Variants in MBD5 observed in about 807,000 individuals in gnomAD.
The protein encoded by MBD5 is methyl-CpG-binding domain protein 5.
MBD5 carries 13 observed loss-of-function variants against 117.3 expected under a neutral mutation model. That is an observed-to-expected ratio of 0.11 (90% confidence interval 0.07 to 0.18). The LOEUF is 0.18. Among genes scored for constraint, MBD5 ranks in the 10% least tolerant of loss-of-function variants. The pLI is 1.00. For missense variants in MBD5, 1,879 were observed against 2,093.8 expected (o/e 0.90, Z 2.00); for synonymous variants, 727 against 766.4 (o/e 0.95, Z 0.85).
intron 4 of MBD5, among the ~76,000 whole-genome samples, chr2:148,352,558 A>C (rs1324974736): frequency 1.3e-5 from 2 of 152,034 alleles, no homozygotes; most frequent in African/African-American, 4.8e-5. Context: ...CTCACAACTC[A>C]TTAATCTATT....
intron 1 of MBD5, among the ~76,000 whole-genome samples, chr2:148,049,829 G>C: frequency 6.6e-6 from 1 of 152,076 alleles, no homozygotes. Context: ...GTGGCCTTTT[G>C]TGTCTGGCTT....
At chr2:148,453,728 A>G (rs949828852) in intron 4 of MBD5, among the ~76,000 whole-genome samples, 3 of 151,796 alleles carry the variant, frequency 2.0e-5, no homozygotes, top group African/African-American at 7.2e-5. Context: ...TAATATTATA[A>G]TTATAAAATT....
intron 3 of MBD5, among the ~76,000 whole-genome samples, chr2:148,309,005 TG>T: frequency 6.6e-6 from 1 of 152,144 alleles, no homozygotes; most frequent in Non-Finnish European, 1.5e-5. Context: ...TCCGTTTCAT[TG>T]GTCTATATAT....
At chr2:148,262,613 TGGGG>T (rs1700758556) in intron 3 of MBD5, among the ~76,000 whole-genome samples, 1 of 152,078 alleles carries the variant, frequency 6.6e-6, no homozygotes, top group African/African-American at 2.4e-5. Flanking sequence ...TTGAGCCCTG[TGGGG>T]TTAAGTAATT....
chr2:148,458,794 G>A lies in MBD5; in HGVS notation c.36G>A (p.Lys12=), dbSNP rs1391973594. Residue 12 remains lysine (K), a synonymous_variant, in exon 5 of 14, where the codon AAG becomes AAA. Coordinates refer to ENST00000642680, the MANE Select transcript of MBD5 (RefSeq NM_001378120.1). ...NGGKECDGGD[K]EGGLPAIQVP... The stretch of plus-strand genomic sequence containing the variant: ...GCAAAGAGTGTGACGGAGGGGACAA[G>A]GAAGGAGGTCTTCCAGCTATACAAG... 1 of 1,613,680 alleles carries A rather than the reference G, an allele frequency of 6.2e-7. No individual in the cohort carries two copies. The highest frequency in any genetic ancestry group is 1.3e-5 in the African/African-American group (1 of 75,010).
At chr2:148,105,985 T>C (rs950197470) in intron 1 of MBD5, among the ~76,000 whole-genome samples, 10 of 152,164 alleles carry the variant, frequency 6.6e-5, no homozygotes, top group Admixed American at 1.3e-4. Context: ...TCATTATTAT[T>C]AGAAAATATG....
intron 4 of MBD5, among the ~76,000 whole-genome samples, chr2:148,402,234 A>T (rs1025311528): frequency 2.0e-5 from 3 of 152,102 alleles, no homozygotes; most frequent in Non-Finnish European, 4.4e-5. Flanking sequence ...ATTTTTTAGC[A>T]TTCATTAATG....
chr2:148,040,620 T>A (rs1694329740), intron 1 of MBD5, among the ~76,000 whole-genome samples: 1 of 152,212 alleles, frequency 6.6e-6, no homozygotes, highest in Non-Finnish European at 1.5e-5. Context: ...ATTATTTCTG[T>A]TATATTTATT....
intron 3 of MBD5, among the ~76,000 whole-genome samples, chr2:148,327,130 A>T (rs1325249684): frequency 1.3e-5 from 2 of 152,042 alleles, no homozygotes; most frequent in African/African-American, 4.8e-5. Flanking sequence ...TTCTGGGTTG[A>T]AAATTCTTTT....
Position 148,513,022 on chromosome 2 carries a change from C to T in MBD5, c.*81C>T, listed in dbSNP as rs1036006078. 42 of 1,259,082 alleles carry T rather than the reference C, an allele frequency of 3.3e-5. No homozygotes were observed. In the South Asian group the frequency reaches 4.8e-4, roughly 14 times the overall value. The allele number at this position is 1,259,082 out of a possible 1,614,324, so 78.0% of individuals were successfully genotyped here. ...CTGTATATAGGTATTGATATAGCCA[C>T]AGTTATATCAATATTTAGACTATGG... On this transcript the variant is annotated 3_prime_UTR_variant, in exon 14 of 14. Transcript: ENST00000642680.
rs1418563164 is a variant in MBD5, at chr2:148,373,131, A to T, written c.-557+30795A>T. 3.9e-5 allele frequency among the ~76,000 whole-genome samples: 6 copies of T among 152,184 alleles called. No individual in the cohort carries two copies. The East Asian group carries it at 1.2e-3, about 29-fold the overall frequency. ...AACTTCGGTGAATAAACAGATTTTAATGAAAAATTGAAAGTCAGTTCTCTT... is the reference window on the plus strand; with the variant it reads ...AACTTCGGTGAATAAACAGATTTTATTGAAAAATTGAAAGTCAGTTCTCTT... On this transcript the variant is annotated intron_variant, in intron 4 of 13. Transcript: ENST00000642680.
chr2:148,374,934 CTTGA>C (rs1361067373), intron 4 of MBD5, among the ~76,000 whole-genome samples: 2 of 152,098 alleles, frequency 1.3e-5, no homozygotes, highest in African/African-American at 2.4e-5. Context: ...ATTTAAAATA[CTTGA>C]TTGCTTATCC....
At chr2:148,172,190 G>A (rs1445000876) in intron 1 of MBD5, among the ~76,000 whole-genome samples, 1 of 152,210 alleles carries the variant, frequency 6.6e-6, no homozygotes, top group African/African-American at 2.4e-5. Context: ...CAGGAACCAG[G>A]AACAGCACCT....
chr2:148,271,461 T>G (rs1490536491), intron 3 of MBD5, among the ~76,000 whole-genome samples: 2 of 152,196 alleles, frequency 1.3e-5, no homozygotes, highest in Non-Finnish European at 2.9e-5. Flanking sequence ...TTCCATGTTT[T>G]CGTGCTCTCC....
At chr2:148,188,918 A>T (rs1574112186) in intron 2 of MBD5, among the ~76,000 whole-genome samples, 1 of 151,968 alleles carries the variant, frequency 6.6e-6, no homozygotes, top group East Asian at 2.0e-4. Flanking sequence ...CGCGAGCCGA[A>T]GCAGGGCGAG....
At chr2:148,411,512 C>CTTTTTTTTTTTTTT in intron 4 of MBD5, among the ~76,000 whole-genome samples, 1 of 97,450 alleles carries the variant, frequency 1.0e-5, no homozygotes, top group Non-Finnish European at 1.9e-5. Context: ...AGCATCTGTT[C>CTTTTTTTTTTTTTT]TTTTTTTTTT....
intron 3 of MBD5, among the ~76,000 whole-genome samples, chr2:148,336,345 A>G (rs1284802830): frequency 6.6e-6 from 1 of 152,152 alleles, no homozygotes. Context: ...TTTTAAACTA[A>G]GATTCTACCC....
chr2:148,091,936 G>A (rs544880470), intron 1 of MBD5, among the ~76,000 whole-genome samples: 1 of 152,234 alleles, frequency 6.6e-6, no homozygotes, highest in Admixed American at 6.5e-5. Context: ...CTAATATCTG[G>A]AATCTACAAG....
At chr2:148,394,530 T>C (rs1251365601) in intron 4 of MBD5, among the ~76,000 whole-genome samples, 1 of 142,288 alleles carries the variant, frequency 7.0e-6, no homozygotes, top group African/African-American at 2.6e-5. Context: ...TTCCCTTTTT[T>C]CATTCTGTAC....
Sources: gnomAD v4.1 joint callset for allele counts (sites outside exome capture counted in the v4.1 genomes callset) on GRCh38, gnomAD v4.1.1 for gene constraint, MANE v1.5 for transcripts, NCBI Gene and HGNC (gene_info 2026-07-23, HGNC 2026-07-21) for gene names.